Variants in HTR2C observed in about 807,000 individuals in gnomAD.
HTR2C encodes the protein 5-hydroxytryptamine (serotonin) receptor 2C, G protein-coupled.
HTR2C carries 5 observed loss-of-function variants against 21.0 expected under a neutral mutation model. The observed-to-expected ratio is 0.24, with a 90% CI of 0.12 to 0.50. The LOEUF is 0.50. HTR2C is among the 20% of genes least tolerant of loss of function. HTR2C has a pLI of 0.98. For synonymous variants in HTR2C, 150 were observed against 145.3 expected (o/e 1.03, Z -0.23); for missense variants, 271 against 371.2 (o/e 0.73, Z 2.22).
chrX:114,702,862 GA>G (rs1932592320), intron 2 of HTR2C, among the ~76,000 whole-genome samples: 1 of 107,075 alleles, frequency 9.3e-6, no homozygotes, highest in African/African-American at 3.4e-5. Context: ...AGGGACGGAG[GA>G]AGATCTACCA....
At chrX:114,662,178 C>A (rs1022062880) in intron 2 of HTR2C, among the ~76,000 whole-genome samples, 3 of 111,474 alleles carry the variant, frequency 2.7e-5, no homozygotes, top group Non-Finnish European at 1.9e-5. Context: ...TTAAGTACTT[C>A]ATGTAATACT....
intron 1 of HTR2C, among the ~76,000 whole-genome samples, chrX:114,610,717 TA>T (rs1928689439): frequency 9.0e-6 from 1 of 111,680 alleles, no homozygotes; most frequent in South Asian, 3.7e-4. Context: ...TGTGGAAATT[TA>T]AAAAATAATA....
intron 4 of HTR2C, among the ~76,000 whole-genome samples, chrX:114,823,948 CAA>C (rs1173325454): frequency 9.0e-6 from 1 of 111,721 alleles, no homozygotes; most frequent in Admixed American, 9.6e-5. Context: ...TAGAAAAAAA[CAA>C]AGATTATATC....
At chrX:114,616,228 G>GTTT (rs781786026) in intron 2 of HTR2C, among the ~76,000 whole-genome samples, 2 of 104,114 alleles carry the variant, frequency 1.9e-5, no homozygotes, top group African/African-American at 7.0e-5. Flanking sequence ...TCTTTGGGTT[G>GTTT]TTTTTTTTTT....
At chrX:114,718,542 T>A (rs1473580739) in intron 2 of HTR2C, among the ~76,000 whole-genome samples, 1 of 112,176 alleles carries the variant, frequency 8.9e-6, no homozygotes, top group Non-Finnish European at 1.9e-5. Flanking sequence ...TTCTGCAATA[T>A]CTTGTGTAAA....
intron 4 of HTR2C, among the ~76,000 whole-genome samples, chrX:114,843,357 T>A (rs1269850988): frequency 9.0e-6 from 1 of 111,310 alleles, no homozygotes. Context: ...CATGAGGGAA[T>A]CAATAACAGA....
At chrX:114,738,575 G>A (rs1181122768) in intron 4 of HTR2C, among the ~76,000 whole-genome samples, 6 of 109,639 alleles carry the variant, frequency 5.5e-5, no homozygotes, top group African/African-American at 2.0e-4. Flanking sequence ...CTCATAAGTG[G>A]GAGTTGAACA....
rs147579723 is a variant in HTR2C at position 114,887,835 on chromosome X, C to T, written c.551-18754C>T. Among the ~76,000 whole-genome samples the T allele has an allele frequency of 7.1e-4, 78 of 109,864 alleles. No homozygotes were observed. In the East Asian group the frequency reaches 0.021, roughly 29 times the overall value. On this transcript the variant is annotated intron_variant, in intron 5 of 5. Coordinates refer to ENST00000276198, the MANE Select transcript of HTR2C (RefSeq NM_000868.4). ...AGGAGTTCGAGACCAGCCTGGTCAACGTGGTGAAACCCTGGGTCTACTAAA... is the reference window on the plus strand; with the variant it reads ...AGGAGTTCGAGACCAGCCTGGTCAATGTGGTGAAACCCTGGGTCTACTAAA...
intron 4 of HTR2C, among the ~76,000 whole-genome samples, chrX:114,823,828 C>T (rs2070656823): frequency 9.0e-6 from 1 of 111,119 alleles, no homozygotes; most frequent in East Asian, 2.8e-4. Context: ...AGAATTGTGC[C>T]ACCTACTCTC....
At chrX:114,880,845 G>A (rs2071175720) in intron 5 of HTR2C, among the ~76,000 whole-genome samples, 1 of 111,031 alleles carries the variant, frequency 9.0e-6, no homozygotes, top group Non-Finnish European at 1.9e-5. Context: ...TTGGCTCGTA[G>A]CCAATACTTT....
chrX:114,746,433 A>G (rs1036765524), intron 4 of HTR2C, among the ~76,000 whole-genome samples: 2 of 112,145 alleles, frequency 1.8e-5, no homozygotes, highest in Non-Finnish European at 3.8e-5. Context: ...CGGGCCCAAC[A>G]TTAAAAAATC....
intron 1 of HTR2C, among the ~76,000 whole-genome samples, chrX:114,598,865 A>G (rs1927970904): frequency 9.0e-6 from 1 of 111,577 alleles, no homozygotes; most frequent in Non-Finnish European, 1.9e-5. Context: ...GTTATTATTA[A>G]ATGATTATAT....
chrX:114,656,623 T>C (rs782762068), intron 2 of HTR2C, among the ~76,000 whole-genome samples: 8 of 111,040 alleles, frequency 7.2e-5, no homozygotes, highest in Non-Finnish European at 1.3e-4. Flanking sequence ...CTTACTAAGG[T>C]AAACTCAAGT....
At chrX:114,643,222 A>C (rs1408013643) in intron 2 of HTR2C, among the ~76,000 whole-genome samples, 2 of 107,505 alleles carry the variant, frequency 1.9e-5, no homozygotes, top group African/African-American at 6.7e-5. Context: ...GTTGGTGCAA[A>C]AGTAATTGCT....
chrX:114,896,938 T>C (rs903536009), intron 5 of HTR2C, among the ~76,000 whole-genome samples: 44 of 111,840 alleles, frequency 3.9e-4, no homozygotes, highest in African/African-American at 1.4e-3. Context: ...TTTTCCTGCC[T>C]TCTCTTCTGC....
Position 114,785,450 on chromosome X carries a change from TATCTTAG to T in HTR2C, c.349+53844_349+53850del, listed in dbSNP as rs57653001. ...AAATACATTATTACCACATTAGGTT[TATCTTAG>T]GAATGCAAAGTTGATTTAACATTAG... is the stretch of plus-strand genomic sequence containing the variant. On this transcript the variant is annotated intron_variant, in intron 4 of 5. Coordinates refer to ENST00000276198, the MANE Select transcript of HTR2C (RefSeq NM_000868.4). Among the ~76,000 whole-genome samples, 531 of 112,117 alleles carry T rather than the reference TATCTTAG, an allele frequency of 4.7e-3. 3 individuals are homozygous for T. The highest frequency in any genetic ancestry group is 0.015 in the African/African-American group (471 of 30,933).
intron 2 of HTR2C, among the ~76,000 whole-genome samples, chrX:114,716,327 CAT>C (rs1208138788): frequency 1.8e-5 from 2 of 112,418 alleles, no homozygotes; most frequent in East Asian, 2.8e-4. Context: ...CTGTGAAAAA[CAT>C]AATTTTATAT....
chrX:114,876,422 C>CTTTTTTTTTTTTTTTTTT (rs60498146), intron 5 of HTR2C, among the ~76,000 whole-genome samples: 35 of 62,366 alleles, frequency 5.6e-4, no homozygotes, highest in Non-Finnish European at 7.0e-4. Context: ...CTTTTTCTTT[C>CTTTTTTTTTTTTTTTTTT]TTTTTTTTTT....
intron 4 of HTR2C, among the ~76,000 whole-genome samples, chrX:114,782,710 C>T (rs782631530): frequency 3.7e-4 from 40 of 108,445 alleles, no homozygotes; most frequent in African/African-American, 1.2e-3. Context: ...AGAGTGAGAC[C>T]CTGTATAAAA....
Sources: gnomAD v4.1 joint callset for allele counts (sites outside exome capture counted in the v4.1 genomes callset) on GRCh38, gnomAD v4.1.1 for gene constraint, MANE v1.5 for transcripts, NCBI Gene and HGNC (gene_info 2026-07-23, HGNC 2026-07-21) for gene names.